PDZD2: variants seen among roughly 807,000 people sequenced by gnomAD.
The protein encoded by PDZD2 is PDZ domain-containing protein 2.
PDZD2 carries 90 observed loss-of-function variants against 220.7 expected under a neutral mutation model. The ratio of observed to expected loss-of-function variants is 0.41; its 90% CI spans 0.34 to 0.49. The LOEUF (loss-of-function observed/expected upper bound fraction) is 0.49. PDZD2 is among the 20% of genes least tolerant of loss of function. The pLI, the probability that PDZD2 is intolerant of heterozygous loss-of-function variation, is 0.28. For synonymous variants in PDZD2, 1,375 were observed against 1,450.5 expected (o/e 0.95, Z 1.18); for missense variants, 3,174 against 3,608.5 (o/e 0.88, Z 3.08).
chr5:31,655,261 C>T (rs1180790426), intron 1 of PDZD2, among the ~76,000 whole-genome samples: 1 of 152,180 alleles, frequency 6.6e-6, no homozygotes, highest in African/African-American at 2.4e-5. Context: ...CAACCTCTGC[C>T]TCCCGGGTTC....
chr5:32,008,638 AAGG>A (rs1753044179), intron 5 of PDZD2, among the ~76,000 whole-genome samples: 1 of 152,118 alleles, frequency 6.6e-6, no homozygotes, highest in Non-Finnish European at 1.5e-5. Context: ...CAGGAGCAGG[AAGG>A]AGGAGATCAT....
chr5:31,999,363 A>T (rs35334510), intron 4 of PDZD2, among the ~76,000 whole-genome samples: 97,597 of 149,738 alleles, frequency 0.65, 32,864 homozygotes, highest in Non-Finnish European at 0.71. Flanking sequence ...AAAAAGAAGC[A>T]GAAACCAGGC....
In PDZD2 at chr5:31,876,309, T is replaced by G. The variant is rs575268963; in HGVS notation, c.476+76585T>G. Among the ~76,000 whole-genome samples, 97 of 152,078 alleles carry G rather than the reference T, an allele frequency of 6.4e-4. 2 individuals are homozygous for G. The highest frequency in any genetic ancestry group is 2.2e-3 in the African/African-American group (93 of 41,504). Reference sequence around the variant, plus strand: ...TTGAATTTTTTTTCTTTTTTTTTTTTTTAAAGACAGTCTCACTCTATTGCC... The same window carrying G: ...TTGAATTTTTTTTCTTTTTTTTTTTGTTAAAGACAGTCTCACTCTATTGCC... On this transcript the variant is annotated intron_variant, in intron 2 of 24. Transcript: ENST00000438447.
At chr5:31,861,399 C>T (rs1438680183) in intron 2 of PDZD2, among the ~76,000 whole-genome samples, 1 of 152,234 alleles carries the variant, frequency 6.6e-6, no homozygotes, top group Non-Finnish European at 1.5e-5. Flanking sequence ...CGTGGGCTCA[C>T]TCAGATTTGA....
intron 2 of PDZD2, among the ~76,000 whole-genome samples, chr5:31,907,646 A>G (rs1232099392): frequency 1.3e-5 from 2 of 152,212 alleles, no homozygotes; most frequent in South Asian, 2.1e-4. Context: ...ACTGTGAAAT[A>G]CAATATTTTA....
chr5:32,077,649 A>C (rs1741427577), intron 19 of PDZD2, 43 bp downstream of exon 19: 2 of 1,597,390 alleles, frequency 1.3e-6, no homozygotes, highest in Non-Finnish European at 8.6e-7. Flanking sequence ...GTAGGTGGGG[A>C]GATACCCTAA....
At chr5:31,910,750 G>A (rs1262597995) in intron 2 of PDZD2, among the ~76,000 whole-genome samples, 4 of 151,140 alleles carry the variant, frequency 2.6e-5, no homozygotes, top group East Asian at 3.9e-4. Context: ...GGCTGGTCTC[G>A]AACTCCTGAC....
chr5:31,950,385 A>G (rs543850341), intron 2 of PDZD2, among the ~76,000 whole-genome samples: 64 of 152,288 alleles, frequency 4.2e-4, no homozygotes, highest in Non-Finnish European at 7.3e-4. Context: ...GATTTTATAT[A>G]CTTTATTTTC....
intron 1 of PDZD2, among the ~76,000 whole-genome samples, chr5:31,651,994 ATTTTT>A (rs10676854): frequency 7.7e-6 from 1 of 130,326 alleles, no homozygotes; most frequent in Non-Finnish European, 1.6e-5. Context: ...TAATTTTTGT[ATTTTT>A]TTTTTTTTTT....
intron 1 of PDZD2, among the ~76,000 whole-genome samples, chr5:31,690,871 T>G (rs962734052): frequency 2.0e-5 from 3 of 152,166 alleles, no homozygotes; most frequent in African/African-American, 7.2e-5. Flanking sequence ...CCCACTACAC[T>G]CAGTGAATGC....
chr5:31,659,979 T>A (rs769139096), intron 1 of PDZD2, among the ~76,000 whole-genome samples: 4 of 152,198 alleles, frequency 2.6e-5, no homozygotes, highest in Non-Finnish European at 5.9e-5. Context: ...ATTAGCCCTA[T>A]CGAATTGAGA....
rs748538126 is a variant in PDZD2 at position 31,799,482 on chromosome 5, G to A, written c.234G>A (p.Gly78=). ...ICTVYLTKEL[G]DTETVGLSFG... ...CTGTGTACCTCACCAAGGAGCTGGG[G>A]GACACAGAGACTGTGGGCCTGAGTT... Residue 78 remains glycine, a synonymous_variant, in exon 2 of 25, where the codon GGG becomes GGA. Coordinates refer to ENST00000438447, the MANE Select transcript of PDZD2 (RefSeq NM_178140.4). 7 of 1,614,108 alleles carry A rather than the reference G, an allele frequency of 4.3e-6. No individual in the cohort carries two copies. The highest frequency in any genetic ancestry group is 1.7e-5 in the Admixed American group (1 of 60,008).
chr5:31,694,654 A>G (rs1490987135), intron 1 of PDZD2, among the ~76,000 whole-genome samples: 1 of 151,696 alleles, frequency 6.6e-6, no homozygotes, highest in Non-Finnish European at 1.5e-5. Context: ...CCAGGTATGC[A>G]CTGTGGCTGC....
chr5:32,078,475 CA>C (rs1336181725), intron 19 of PDZD2, among the ~76,000 whole-genome samples: 3 of 151,008 alleles, frequency 2.0e-5, no homozygotes, highest in African/African-American at 7.3e-5. Context: ...ACTAAAAAGA[CA>C]AAAAAATTAG....
At chr5:31,714,054 G>A (rs868054020) in intron 1 of PDZD2, among the ~76,000 whole-genome samples, 1 of 152,212 alleles carries the variant, frequency 6.6e-6, no homozygotes, top group African/African-American at 2.4e-5. Flanking sequence ...TAAGTACACT[G>A]GCATTTCTCT....
Position 31,891,127 on chromosome 5 carries a change from C to CATTTTTTTTTTTTTT in PDZD2, c.476+91403_476+91404insATTTTTTTTTTTTTT, listed in dbSNP as rs1561545899. Among the ~76,000 whole-genome samples the CATTTTTTTTTTTTTT allele has an allele frequency of 2.1e-5, 2 of 96,420 alleles. 1 individual carries two copies. The highest frequency in any genetic ancestry group is 8.9e-5 in the African/African-American group (2 of 22,466). 63.3% of individuals were successfully genotyped at this position (96,420 alleles called of 152,430 possible). A position where few individuals can be genotyped will look rare whatever the true frequency, so the allele number is the denominator to read the frequency against. ...TGTAAGCAAAGCTCAGGGGTTTTTC[C>CATTTTTTTTTTTTTT]TTTTTTTTTTTTTTTTTTTTTTTTT... is the stretch of plus-strand genomic sequence containing the variant. On this transcript the variant is annotated intron_variant, in intron 2 of 24. Transcript: ENST00000438447.
In PDZD2 at chr5:32,088,481, C is replaced by T. The variant is rs143160911; in HGVS notation, c.5033C>T (p.Thr1678Ile). 29 of 1,614,076 alleles carry T rather than the reference C, an allele frequency of 1.8e-5. No homozygotes were observed. The East Asian group carries it at 5.8e-4, about 32-fold the overall frequency. The change falls in exon 20 of 25, where the codon ACT becomes ATT. Residue 1678 changes from threonine to isoleucine, a missense_variant. This residue lies in a region of PDZD2 where 1,861 missense variants were observed against 2,001.0 expected (regional missense o/e 0.93). Transcript: ENST00000438447. This position sits in a 1 kb window ranked among gnomAD's most constrained non-coding sequence, Gnocchi z 4.6. ...GAGATGAGCTCTCAGGAGCATGAAA[C>T]TCATGCGGACATAAGCACTTCACAG... ...LLEMSSQEHETHADISTSQNH... is the reference protein window; with the variant it reads ...LLEMSSQEHEIHADISTSQNH...
At chr5:31,916,952 A>G (rs951409335) in intron 2 of PDZD2, among the ~76,000 whole-genome samples, 2 of 152,174 alleles carry the variant, frequency 1.3e-5, no homozygotes, top group Non-Finnish European at 1.5e-5. Flanking sequence ...TAAACTCCAT[A>G]AAACCATGTG....
chr5:31,748,886 T>C (rs1259833986), intron 1 of PDZD2, among the ~76,000 whole-genome samples: 2 of 152,212 alleles, frequency 1.3e-5, no homozygotes, highest in East Asian at 3.9e-4. Flanking sequence ...TTGTTGCACC[T>C]GGGAGTGTGT....
Sources: gnomAD v4.1 joint callset for allele counts (sites outside exome capture counted in the v4.1 genomes callset) on GRCh38, gnomAD v4.1.1 for gene constraint, gnomAD v4.1.1 regional missense constraint, Gnocchi (gnomAD v3.1) non-coding constraint, MANE v1.5 for transcripts, NCBI Gene and HGNC (gene_info 2026-07-23, HGNC 2026-07-21) for gene names.